The following BRDT variants were observed in gnomAD, a reference collection of about 807,000 sequenced individuals.
BRDT encodes the protein bromodomain testis associated, also known as bromodomain testis-specific protein.
A neutral mutation model predicts 113.9 loss-of-function variants in BRDT; 77 were observed. That is an observed-to-expected ratio of 0.68 (90% CI 0.56 to 0.82). The LOEUF is 0.82. Ranked by LOEUF, BRDT falls within the 40% of genes least tolerant of loss-of-function variation. The pLI is 0.00. For synonymous variants in BRDT, 358 were observed against 366.5 expected, an observed-to-expected ratio of 0.98 and a Z score of 0.26; for missense variants, 1,027 against 1,105.4, an observed-to-expected ratio of 0.93 and a Z score of 1.01.
At chr1:91,967,242 T>C (rs186692254) in intron 3 of BRDT, among the ~76,000 whole-genome samples, 1,992 of 148,862 alleles carry the variant, frequency 0.013, 23 homozygotes, top group Non-Finnish European at 0.021. Flanking sequence ...GAAATTCTCT[T>C]TTTTTTTTTT....
At chr1:91,990,166 C>A (rs1170629268) in intron 12 of BRDT, among the ~76,000 whole-genome samples, 1 of 152,090 alleles carries the variant, frequency 6.6e-6, no homozygotes, top group Non-Finnish European at 1.5e-5. Flanking sequence ...AAAGAGAAAC[C>A]CACTAGAACC....
rs964337010 is a variant in BRDT, at chr1:91,980,882, G to T, written c.1461-7G>T. 1.3e-6 allele frequency: 2 copies of T among 1,596,148 alleles called. No homozygotes were observed. Among genetic ancestry groups the T allele is most frequent in the East Asian group, 2.2e-5 (1 of 44,726 alleles). On this transcript the variant is annotated splice_polypyrimidine_tract_variant and splice_region_variant and intron_variant, in intron 9 of 18. Coordinates refer to ENST00000399546, the MANE Select transcript of BRDT (RefSeq NM_207189.4). ...ATAAGTTGGACTAAATTTAGTTTTT[G>T]TTACAGTCAGCCAAAGAAAAGGAAA...
At chr1:91,981,404 T>TTGTG in intron 11 of BRDT, 23 bp downstream of exon 11, 14 of 1,490,830 alleles carry the variant, frequency 9.4e-6, no homozygotes, top group Non-Finnish European at 1.3e-5. Context: ...TTTTGTTTGT[T>TTGTG]TGTATGTATG....
chr1:91,977,404 C>A lies in BRDT; in HGVS notation c.969+11C>A. The A allele has an allele frequency of 5.4e-6, 8 of 1,470,718 alleles. No homozygotes were observed. The highest frequency in any genetic ancestry group is 1.5e-5 in the South Asian group (1 of 67,988). The allele number at this position is 1,470,718 out of a possible 1,614,324, so 91.1% of individuals were successfully genotyped here. A position where few individuals can be genotyped will look rare whatever the true frequency, so the allele number is the denominator to read the frequency against. Reference sequence around the variant, plus strand: ...CTTGGAACTATTAAGGTAAATGTTGCCTTAAAAGGAAGAACTTCTTTTTCT... The same window carrying A: ...CTTGGAACTATTAAGGTAAATGTTGACTTAAAAGGAAGAACTTCTTTTTCT... On this transcript the variant is annotated intron_variant, in intron 6 of 18. Transcript: ENST00000399546.
At position 91,963,139 on chromosome 1, in the gene BRDT, C is replaced by G. The variant is rs181249566; in HGVS notation, c.192+193C>G. Among the ~76,000 whole-genome samples the G allele has an allele frequency of 1.1e-3, 171 of 152,280 alleles. 1 individual carries two copies. Among genetic ancestry groups the G allele is most frequent in the Non-Finnish European group, 1.5e-3 (101 of 68,024 alleles). ...GGGAGTTCGAGACCAGCCTGACCAA[C>G]ATGGAGAGACCCCGTCTCTACTAAA... On this transcript the variant is annotated intron_variant, in intron 2 of 18. Transcript: ENST00000399546.
intron 4 of BRDT, among the ~76,000 whole-genome samples, chr1:91,969,990 A>C (rs1683471227): frequency 6.6e-6 from 1 of 151,796 alleles, no homozygotes; most frequent in African/African-American, 2.4e-5. Flanking sequence ...CACCATGCCC[A>C]GCTAATTTTT....
intron 1 of BRDT, among the ~76,000 whole-genome samples, chr1:91,959,916 G>A (rs1252871949): frequency 6.6e-6 from 1 of 152,104 alleles, no homozygotes; most frequent in Admixed American, 6.6e-5. Flanking sequence ...AAGTAACAGG[G>A]AACTTTTAAA....
intron 1 of BRDT, among the ~76,000 whole-genome samples, chr1:91,954,968 CA>C (rs1298171701): frequency 6.6e-6 from 1 of 151,552 alleles, no homozygotes; most frequent in East Asian, 1.9e-4. Flanking sequence ...CTGAACAAAA[CA>C]AAAAAACAGT....
chr1:91,972,114 T>C (rs1005872368), intron 4 of BRDT, among the ~76,000 whole-genome samples: 3 of 152,140 alleles, frequency 2.0e-5, no homozygotes, highest in Non-Finnish European at 4.4e-5. Context: ...CAGGGTCACT[T>C]GTAGTCTTCA....
At chr1:91,997,732 A>G (rs1409516678) in intron 15 of BRDT, among the ~76,000 whole-genome samples, 1 of 152,238 alleles carries the variant, frequency 6.6e-6, no homozygotes, top group Non-Finnish European at 1.5e-5. Context: ...GAAAGTTTGG[A>G]TGATGCCAGA....
chr1:91,999,936 C>A (rs542296546), intron 15 of BRDT, among the ~76,000 whole-genome samples: 3 of 152,178 alleles, frequency 2.0e-5, no homozygotes, highest in African/African-American at 7.2e-5. Flanking sequence ...AGTACAGTGG[C>A]GCAAATATGG....
At chr1:91,968,911 ATTATTTATTTATTTAT>A (rs141543100) in intron 4 of BRDT, among the ~76,000 whole-genome samples, 9,924 of 147,720 alleles carry the variant, frequency 0.067, 399 homozygotes, top group African/African-American at 0.097. Flanking sequence ...TATCAGGAAA[ATTATTTATTTATTTAT>A]TTATTTATTT....
At chr1:91,966,943 C>G (rs956044678) in intron 3 of BRDT, among the ~76,000 whole-genome samples, 2 of 152,058 alleles carry the variant, frequency 1.3e-5, no homozygotes, top group African/African-American at 2.4e-5. Flanking sequence ...GTGGCAGGCA[C>G]CTGTAATCCC....
intron 18 of BRDT, among the ~76,000 whole-genome samples, chr1:92,012,272 G>C (rs1255647480): frequency 2.6e-5 from 4 of 151,056 alleles, no homozygotes; most frequent in Non-Finnish European, 1.5e-5. Context: ...ACTCCAGCCT[G>C]GGCAACAAGA....
At chr1:92,003,979 C>A (rs998708957) in intron 16 of BRDT, among the ~76,000 whole-genome samples, 1 of 152,026 alleles carries the variant, frequency 6.6e-6, no homozygotes, top group African/African-American at 2.4e-5. Context: ...AAAAATATAT[C>A]CATGTCAGAG....
In BRDT at chr1:92,005,217, C is replaced by G; in HGVS notation, c.2693C>G (p.Ala898Gly). ...EQKEHQQSSE[A>G]QDKSKLWLLK... is the part of the protein sequence containing the mutation. ...AAAGAACATCAGCAGTCATCAGAAG[C>G]TCAAGATAAATCCAAACTCTGGCTT... The change falls in exon 18 of 19, where the codon GCT becomes GGT. Residue 898 changes from alanine to glycine, a missense_variant. Ala to Gly is a moderately conservative substitution (Grantham distance 60). Transcript: ENST00000399546. The G allele has an allele frequency of 6.3e-7, 1 of 1,592,150 alleles. No individual in the cohort carries two copies.
intron 1 of BRDT, among the ~76,000 whole-genome samples, chr1:91,961,430 G>A (rs1162883325): frequency 6.6e-6 from 1 of 152,012 alleles, no homozygotes; most frequent in Non-Finnish European, 1.5e-5. Context: ...AGGTTTTTGA[G>A]ACCAGCCGGG....
chr1:91,985,824 G>C lies in BRDT; in HGVS notation c.2002+4069G>C, dbSNP rs1685180107. Among the ~76,000 whole-genome samples, 4 of 151,552 alleles carry C rather than the reference G, an allele frequency of 2.6e-5. 1 individual carries two copies. The South Asian group carries it at 8.4e-4, about 32-fold the overall frequency. The stretch of plus-strand genomic sequence containing the variant: ...CGGCTAATTTTTTCTATTTTTAGTA[G>C]AGACGGGGTTTCACCGTGTTAGCCA... On this transcript the variant is annotated intron_variant, in intron 12 of 18. Coordinates refer to ENST00000399546, the MANE Select transcript of BRDT (RefSeq NM_207189.4).
At chr1:91,989,439 C>T (rs532525301) in intron 12 of BRDT, among the ~76,000 whole-genome samples, 1 of 152,250 alleles carries the variant, frequency 6.6e-6, no homozygotes, top group South Asian at 2.1e-4. Flanking sequence ...CGGCTCACTG[C>T]AACCTCTGCC....
Sources: gnomAD v4.1 joint callset for allele counts (sites outside exome capture counted in the v4.1 genomes callset) on GRCh38, gnomAD v4.1.1 for gene constraint, MANE v1.5 for transcripts, NCBI Gene and HGNC (gene_info 2026-07-23, HGNC 2026-07-21) for gene names.